The following TXNRD1 variants were observed in gnomAD, a reference collection of about 807,000 sequenced individuals.
TXNRD1 encodes thioredoxin reductase 1, cytoplasmic.
TXNRD1 carries 57 observed loss-of-function variants against 80.3 expected under a neutral mutation model. The ratio of observed to expected loss-of-function variants is 0.71; its 90% CI spans 0.57 to 0.89. The LOEUF is 0.89. Ranked by LOEUF, TXNRD1 falls within the 40% of genes least tolerant of loss-of-function variation. The pLI is 0.00. For synonymous variants in TXNRD1, 291 were observed against 285.2 expected (o/e 1.02, Z -0.20); for missense variants, 730 against 803.0 (o/e 0.91, Z 1.10).
intron 3 of TXNRD1, chr12:104,265,603 GA>G: frequency 6.2e-7 from 1 of 1,607,544 alleles, no homozygotes; most frequent in South Asian, 1.1e-5. Context: ...GGAATACCGG[GA>G]CCTGACCACC....
At chr12:104,345,030 T>C (rs377518502) in intron 16 of TXNRD1, among the ~76,000 whole-genome samples, 101 of 152,376 alleles carry the variant, frequency 6.6e-4, no homozygotes, top group South Asian at 4.8e-3. Flanking sequence ...TGTGATATTC[T>C]GTGGGGAATG....
chr12:104,341,810 G>A (rs1048305736), intron 16 of TXNRD1, among the ~76,000 whole-genome samples: 1 of 152,170 alleles, frequency 6.6e-6, no homozygotes, highest in South Asian at 2.1e-4. Context: ...CACTGCAGAG[G>A]CCAGTGTCAA....
chr12:104,315,821 C>G lies in TXNRD1; in HGVS notation c.655C>G (p.Leu219Val). ...GAATGTGGGTTGCATACCTAAAAAA[C>G]TGATGCATCAAGCAGCTTTGTTAGG... is the stretch of plus-strand genomic sequence containing the variant. ...CVNVGCIPKKLMHQAALLGQA... is the reference protein window; with the variant it reads ...CVNVGCIPKKVMHQAALLGQA... The change falls in exon 7 of 17, where the codon CTG becomes GTG. Residue 219 changes from leucine (L) to valine (V), a missense_variant. Coordinates refer to ENST00000525566, the MANE Select transcript of TXNRD1 (RefSeq NM_001093771.3). 6.2e-7 allele frequency: 1 copy of G among 1,612,362 alleles called. No homozygotes were observed. Among genetic ancestry groups the G allele is most frequent in the South Asian group, 1.1e-5 (1 of 91,008 alleles).
At chr12:104,237,740 C>T (rs753366682) in intron 1 of TXNRD1, among the ~76,000 whole-genome samples, 2 of 152,138 alleles carry the variant, frequency 1.3e-5, no homozygotes, top group African/African-American at 2.4e-5. Flanking sequence ...CTAGGCCAGA[C>T]GTGGTGGCTC....
chr12:104,267,721 C>CTCTATT (rs1158350636), intron 3 of TXNRD1, among the ~76,000 whole-genome samples: 2 of 84,698 alleles, frequency 2.4e-5, no homozygotes, highest in Non-Finnish European at 5.7e-5. Context: ...TTCTTTCTTT[C>CTCTATT]TCTTTCTTTC....
At chr12:104,245,037 T>A (rs987105013) in intron 1 of TXNRD1, among the ~76,000 whole-genome samples, 8 of 152,242 alleles carry the variant, frequency 5.3e-5, no homozygotes, top group African/African-American at 1.9e-4. Context: ...TGATTGATCC[T>A]AAAGCTATAG....
chr12:104,276,970 G>A (rs770119597), intron 3 of TXNRD1, among the ~76,000 whole-genome samples: 25 of 152,210 alleles, frequency 1.6e-4, no homozygotes, highest in Non-Finnish European at 2.5e-4. Flanking sequence ...GATGGGAGCC[G>A]GGCACAGTGG....
chr12:104,254,642 A>ATATATATATATATATATATAT (rs1555207862), intron 2 of TXNRD1, among the ~76,000 whole-genome samples: 8 of 104,540 alleles, frequency 7.7e-5, no homozygotes, highest in Admixed American at 3.1e-4. Context: ...AAAAAAAAAA[A>ATATATATATATATATATATAT]AAATATATAT....
At chr12:104,287,141 G>A in intron 3 of TXNRD1, 1 of 1,528,100 alleles carries the variant, frequency 6.5e-7, no homozygotes. Flanking sequence ...ACCAGACAAA[G>A]CCGCGAGCCC....
chr12:104,243,915 A>G (rs747567978), intron 1 of TXNRD1, among the ~76,000 whole-genome samples: 3 of 152,094 alleles, frequency 2.0e-5, no homozygotes, highest in Non-Finnish European at 4.4e-5. Flanking sequence ...AAGTTCATTC[A>G]TTGTCCTGGT....
chr12:104,241,475 A>G (rs1383754725), intron 1 of TXNRD1, among the ~76,000 whole-genome samples: 3 of 151,898 alleles, frequency 2.0e-5, no homozygotes, highest in African/African-American at 7.3e-5. Flanking sequence ...CGTTGAAGCG[A>G]TTCTCCTGAC....
intron 3 of TXNRD1, chr12:104,287,373 G>A (rs2034007665): frequency 4.3e-6 from 7 of 1,613,906 alleles, no homozygotes; most frequent in African/African-American, 1.3e-5. Flanking sequence ...CCTGTAGGCT[G>A]GCGGTTTCCT....
chr12:104,302,486 C>CTTTTTTTTT lies in TXNRD1; in HGVS notation c.415-8791_415-8783dup, dbSNP rs772202256. Among the ~76,000 whole-genome samples, 102 of 76,224 alleles carry CTTTTTTTTT rather than the reference C, an allele frequency of 1.3e-3. 6 individuals carry two copies. Among genetic ancestry groups the CTTTTTTTTT allele is most frequent in the African/African-American group, 2.5e-3 (44 of 17,280 alleles). 50.0% of individuals were successfully genotyped at this position (76,224 alleles called of 152,430 possible). A position where few individuals can be genotyped will look rare whatever the true frequency, so the allele number is the denominator to read the frequency against. ...TTTAAAAACCAGATGTATTCATTCC[C>CTTTTTTTTT]TTTTTTTTTTTTTTTTTTTTTGAGA... On this transcript the variant is annotated intron_variant, in intron 4 of 16. Coordinates refer to ENST00000525566, the MANE Select transcript of TXNRD1 (RefSeq NM_001093771.3).
At chr12:104,229,144 CTTTTTTTTT>C (rs56077479) in intron 1 of TXNRD1, among the ~76,000 whole-genome samples, 2 of 106,088 alleles carry the variant, frequency 1.9e-5, no homozygotes, top group African/African-American at 8.3e-5. Context: ...CATTACTTTT[CTTTTTTTTT>C]TTTTTTTTTT....
intron 1 of TXNRD1, among the ~76,000 whole-genome samples, chr12:104,244,909 G>A (rs1266692934): frequency 6.6e-6 from 1 of 152,206 alleles, no homozygotes; most frequent in African/African-American, 2.4e-5. Flanking sequence ...GCTGTGGCAA[G>A]GTATAACTTT....
intron 15 of TXNRD1, among the ~76,000 whole-genome samples, chr12:104,337,985 C>T (rs1235335446): frequency 7.6e-6 from 1 of 131,946 alleles, no homozygotes; most frequent in Non-Finnish European, 1.6e-5. Context: ...CCTGTAGGGA[C>T]AGAGTCTCCC....
At chr12:104,245,517 C>CAAAA (rs10622971) in intron 1 of TXNRD1, among the ~76,000 whole-genome samples, 9,601 of 29,184 alleles carry the variant, frequency 0.33, 3,611 homozygotes, top group Non-Finnish European at 0.51. Flanking sequence ...AACTCCATCT[C>CAAAA]AAAAAAAAAA....
chr12:104,301,800 TAC>T (rs2034635519), intron 4 of TXNRD1, among the ~76,000 whole-genome samples: 1 of 152,258 alleles, frequency 6.6e-6, no homozygotes, highest in Admixed American at 6.5e-5. Flanking sequence ...TAGGGACAGA[TAC>T]GATCCTTGAA....
chr12:104,298,266 T>A (rs1289427981), intron 4 of TXNRD1, among the ~76,000 whole-genome samples: 1 of 152,218 alleles, frequency 6.6e-6, no homozygotes. Context: ...TGCTTCAGAA[T>A]ATCTGGTACA....
Sources: gnomAD v4.1 joint callset for allele counts (sites outside exome capture counted in the v4.1 genomes callset) on GRCh38, gnomAD v4.1.1 for gene constraint, MANE v1.5 for transcripts, NCBI Gene and HGNC (gene_info 2026-07-23, HGNC 2026-07-21) for gene names.